JARID2: variants seen among roughly 807,000 people sequenced by gnomAD.
The protein encoded by JARID2 is protein Jumonji.
A neutral mutation model predicts 125.6 loss-of-function variants in JARID2; 21 were observed. The ratio of observed to expected loss-of-function variants is 0.17; its 90% confidence interval spans 0.12 to 0.24. JARID2 has a LOEUF of 0.24. Ranked by LOEUF, JARID2 falls within the 10% of genes least tolerant of loss-of-function variation. The pLI is 1.00. For missense variants in JARID2, 1,303 were observed against 1,639.6 expected, an observed-to-expected ratio of 0.79 and a Z score of 3.55; for synonymous variants, 736 against 661.6, an observed-to-expected ratio of 1.11 and a Z score of -1.73.
At chr6:15,424,359 A>C (rs1435788035) in intron 3 of JARID2, among the ~76,000 whole-genome samples, 1 of 152,186 alleles carries the variant, frequency 6.6e-6, no homozygotes, top group Admixed American at 6.5e-5. Flanking sequence ...ACAATCCTCC[A>C]AATGTTGTGG....
intron 1 of JARID2, among the ~76,000 whole-genome samples, chr6:15,289,578 C>T (rs937722188): frequency 1.6e-4 from 24 of 152,118 alleles, no homozygotes; most frequent in Non-Finnish European, 2.4e-4. Context: ...GTTTTAAGGC[C>T]GGGCGCAGTG....
At position 15,504,645 on chromosome 6, in the gene JARID2, G is replaced by A. The variant is rs114599493; in HGVS notation, c.2541+53G>A. On this transcript the variant is annotated intron_variant, in intron 9 of 17. Coordinates refer to ENST00000341776, the MANE Select transcript of JARID2 (RefSeq NM_004973.4). ...TCTCATGGTGTGGGAACCCCTCGGC[G>A]AGCTGGAGGACATCCTGTCCTGCCC... is the stretch of plus-strand genomic sequence containing the variant. The A allele has an allele frequency of 2.1e-3, 2,468 of 1,184,318 alleles. 11 individuals are homozygous for A. The highest frequency in any genetic ancestry group is 0.011 in the Middle Eastern group (58 of 5,202). The allele number at this position is 1,184,318 out of a possible 1,614,324, so 73.4% of individuals were successfully genotyped here. A position where few individuals can be genotyped will look rare whatever the true frequency, so the allele number is the denominator to read the frequency against.
intron 1 of JARID2, among the ~76,000 whole-genome samples, chr6:15,364,312 T>G (rs945161922): frequency 3.3e-5 from 5 of 152,220 alleles, no homozygotes. Flanking sequence ...CAAGCCTGTT[T>G]TGGCCACCCT....
chr6:15,362,911 GA>G (rs1316737362), intron 1 of JARID2, among the ~76,000 whole-genome samples: 1 of 152,100 alleles, frequency 6.6e-6, no homozygotes, highest in African/African-American at 2.4e-5. Context: ...TCAACAATGA[GA>G]AAAAAAGTGC....
intron 5 of JARID2, among the ~76,000 whole-genome samples, chr6:15,480,789 A>G (rs1273737574): frequency 6.6e-6 from 1 of 152,198 alleles, no homozygotes; most frequent in Non-Finnish European, 1.5e-5. Context: ...TTGAGGCCCA[A>G]ACGGGGTTGG....
chr6:15,295,210 T>C (rs1274524711), intron 1 of JARID2, among the ~76,000 whole-genome samples: 4 of 150,534 alleles, frequency 2.7e-5, no homozygotes, highest in East Asian at 2.0e-4. Context: ...CAAGCTCCGC[T>C]TCCTGGGTTC....
At chr6:15,439,855 G>A (rs1383218389) in intron 3 of JARID2, among the ~76,000 whole-genome samples, 1 of 152,270 alleles carries the variant, frequency 6.6e-6, no homozygotes, top group East Asian at 1.9e-4. Context: ...TTCTGCTACT[G>A]GCTTGGCTCA....
At chr6:15,284,330 G>A (rs1046902119) in intron 1 of JARID2, among the ~76,000 whole-genome samples, 1 of 151,998 alleles carries the variant, frequency 6.6e-6, no homozygotes, top group African/African-American at 2.4e-5. Context: ...GTCCCAAATG[G>A]TGTAATTTTT....
At chr6:15,380,726 TTCAG>T (rs1561825380) in intron 2 of JARID2, among the ~76,000 whole-genome samples, 1 of 152,204 alleles carries the variant, frequency 6.6e-6, no homozygotes, top group Non-Finnish European at 1.5e-5. Flanking sequence ...TTCAGAATCT[TTCAG>T]TCATTTCCAA....
At chr6:15,483,164 C>T (rs1341164641) in intron 5 of JARID2, among the ~76,000 whole-genome samples, 1 of 152,152 alleles carries the variant, frequency 6.6e-6, no homozygotes, top group Non-Finnish European at 1.5e-5. Context: ...GTTGGTCCTT[C>T]TTGAAATAAA....
chr6:15,290,675 G>A (rs757411228), intron 1 of JARID2, among the ~76,000 whole-genome samples: 35 of 152,056 alleles, frequency 2.3e-4, no homozygotes, highest in Non-Finnish European at 4.7e-4. Context: ...CTGGAGTGCA[G>A]TGGCACAATC....
intron 2 of JARID2, among the ~76,000 whole-genome samples, chr6:15,391,754 G>A (rs1406237851): frequency 6.6e-6 from 1 of 152,310 alleles, no homozygotes. Context: ...GTGTCTAGGA[G>A]CAAGGCATGC....
rs139997387 is a variant in JARID2, at chr6:15,252,609, T to C, written c.45+6025T>C. On this transcript the variant is annotated intron_variant, in intron 1 of 17. Transcript: ENST00000341776. ...CTAATTCATGGAGTTCAGAAGCTTC[T>C]ATCTTGTAATCTGGCAACTTTAATT... 1.5e-3 allele frequency among the ~76,000 whole-genome samples: 234 copies of C among 152,390 alleles called. 2 individuals carry two copies. Among genetic ancestry groups the C allele is most frequent in the African/African-American group, 5.2e-3 (218 of 41,598 alleles).
chr6:15,251,136 C>T (rs574533083), intron 1 of JARID2, among the ~76,000 whole-genome samples: 2 of 152,120 alleles, frequency 1.3e-5, no homozygotes, highest in African/African-American at 2.4e-5. Context: ...CTCAGCCTCC[C>T]GAGTAGGTGG....
intron 1 of JARID2, among the ~76,000 whole-genome samples, chr6:15,333,976 C>A (rs1385053184): frequency 6.6e-6 from 1 of 152,064 alleles, no homozygotes; most frequent in African/African-American, 2.4e-5. Context: ...TTTGGATGAA[C>A]ACACAAAATA....
chr6:15,344,757 T>A (rs1300427550), intron 1 of JARID2, among the ~76,000 whole-genome samples: 1 of 152,174 alleles, frequency 6.6e-6, no homozygotes, highest in Non-Finnish European at 1.5e-5. Flanking sequence ...TGAAGTTTTC[T>A]GTAATAATTT....
chr6:15,374,347 C>G lies in JARID2; in HGVS notation c.181+95C>G, dbSNP rs1764273703. 3.7e-6 allele frequency: 5 copies of G among 1,339,628 alleles called. No individual in the cohort carries two copies. The Admixed American group carries it at 9.1e-5, about 24-fold the overall frequency. The allele number at this position is 1,339,628 out of a possible 1,614,324, so 83.0% of individuals were successfully genotyped here. ...GATGTATTCTGGCAGCTTGTGCTTC[C>G]TGGTCTAGGCACCTAAAGGCAGTCT... is the stretch of plus-strand genomic sequence containing the variant. On this transcript the variant is annotated intron_variant, in intron 2 of 17. Transcript: ENST00000341776.
Position 15,246,565 on chromosome 6 carries a change from A to G in JARID2, c.26A>G (p.Asn9Ser), listed in dbSNP as rs142735464. Residue 9 changes from asparagine (N) to serine (S), a missense_variant, in exon 1 of 18, where the codon AAT (asparagine) becomes AGT (serine). Around this residue, in one of 11 missense-constraint regions of JARID2, gnomAD observed 93 missense variants for 120.4 expected, o/e 0.77. Coordinates refer to ENST00000341776, the MANE Select transcript of JARID2 (RefSeq NM_004973.4). ...ATGAGCAAGGAAAGACCCAAGAGGA[A>G]TATCATTCAGAAGAAATACGTAAGT... MSKERPKR[N>S]IIQKKYDDSD... 7.4e-6 allele frequency: 12 copies of G among 1,613,506 alleles called. No homozygotes were observed. Among genetic ancestry groups the G allele is most frequent in the Non-Finnish European group, 1.0e-5 (12 of 1,179,538 alleles).
chr6:15,397,392 T>C (rs975385577), intron 2 of JARID2, among the ~76,000 whole-genome samples: 13 of 152,224 alleles, frequency 8.5e-5, no homozygotes, highest in African/African-American at 2.9e-4. Context: ...TACTCTCTTC[T>C]ATCATACGAC....
Sources: allele counts gnomAD v4.1 joint callset (sites outside exome capture counted in the v4.1 genomes callset), GRCh38; gene constraint gnomAD v4.1.1; regional missense constraint gnomAD v4.1.1; transcripts MANE v1.5; gene names NCBI Gene and HGNC (gene_info 2026-07-23, HGNC 2026-07-21).